The following HS1BP3 variants were observed in gnomAD, a reference collection of about 807,000 sequenced individuals.
The protein encoded by HS1BP3 is HCLS1 binding protein 3, also known as HCLS1-binding protein 3.
In HS1BP3, 32 loss-of-function variants were observed where a neutral mutation model predicts 33.5. That is an observed-to-expected ratio of 0.95 (90% CI 0.72 to 1.28). HS1BP3 has a LOEUF of 1.28. Ranked by LOEUF, HS1BP3 falls within the 50% of genes most tolerant of loss-of-function variation. The probability of loss-of-function intolerance (pLI) is 0.00; values close to 1 mark genes in which losing one functional copy is unlikely to be tolerated. For synonymous variants in HS1BP3, 187 were observed against 209.2 expected (o/e 0.89, Z 0.92); for missense variants, 486 against 502.3 (o/e 0.97, Z 0.31).
chr2:20,640,673 G>C (rs1695311306), intron 3 of HS1BP3: 1 of 577,862 alleles, frequency 1.7e-6, no homozygotes, highest in Non-Finnish European at 3.2e-6. Flanking sequence ...GGTCAGTCGG[G>C]GGGTGTCGGG....
At chr2:20,626,611 G>A (rs539399359) in intron 4 of HS1BP3, among the ~76,000 whole-genome samples, 5 of 152,224 alleles carry the variant, frequency 3.3e-5, no homozygotes, top group Non-Finnish European at 7.3e-5. Context: ...CATGTTTCAA[G>A]GGTAGTGATG....
intron 3 of HS1BP3, among the ~76,000 whole-genome samples, chr2:20,596,096 G>C (rs1342445998): frequency 6.6e-6 from 1 of 152,074 alleles, no homozygotes; most frequent in Non-Finnish European, 1.5e-5. Context: ...GAAAACCGCT[G>C]ACCCACAGGA....
chr2:20,609,962 G>C (rs1336787739), intron 2 of HS1BP3, among the ~76,000 whole-genome samples: 3 of 152,192 alleles, frequency 2.0e-5, no homozygotes, highest in African/African-American at 7.2e-5. Context: ...CCAAAGGTGG[G>C]GCATGGTCTG....
chr2:20,613,905 A>C (rs555078397), downstream of HS1BP3, among the ~76,000 whole-genome samples: 2 of 152,352 alleles, frequency 1.3e-5, no homozygotes, highest in East Asian at 3.9e-4. Context: ...GCGTCCCTTC[A>C]AATTCATGTC....
chr2:20,558,202 A>G (rs1297865929), downstream of HS1BP3, among the ~76,000 whole-genome samples: 6 of 152,132 alleles, frequency 3.9e-5, no homozygotes, highest in African/African-American at 7.2e-5. Flanking sequence ...GTTCTGAAGG[A>G]GAAGAGGTGG....
downstream of HS1BP3, among the ~76,000 whole-genome samples, chr2:20,557,918 A>G (rs1194650647): frequency 6.6e-6 from 1 of 152,200 alleles, no homozygotes; most frequent in Non-Finnish European, 1.5e-5. Flanking sequence ...AGGCCTCTTG[A>G]GGAGCCCTGG....
At chr2:20,594,598 A>C (rs1339825613) in intron 3 of HS1BP3, among the ~76,000 whole-genome samples, 1 of 152,230 alleles carries the variant, frequency 6.6e-6, no homozygotes, top group Non-Finnish European at 1.5e-5. Flanking sequence ...GATTTGCAGC[A>C]ACAAGGCCAG....
rs773178934 is a variant in HS1BP3, at chr2:20,624,716, A to G, written c.784+16T>C. 1.6e-5 allele frequency: 25 copies of G among 1,576,214 alleles called. No individual in the cohort carries two copies. The South Asian group carries it at 2.4e-4, about 15-fold the overall frequency. On this transcript the variant is annotated intron_variant, in intron 5 of 6. Transcript: ENST00000304031. ...ACCGAGAGGACACCAGGAGCAGACC[A>G]TGGGGCTCTACTTACGGTCCACGGA...
chr2:20,564,855 G>A (rs539477142), intron 5 of HS1BP3, among the ~76,000 whole-genome samples: 1 of 152,182 alleles, frequency 6.6e-6, no homozygotes, highest in South Asian at 2.1e-4. Flanking sequence ...TGGAGGTACT[G>A]CCACACTGTA....
downstream of HS1BP3, chr2:20,591,093 C>T (rs149151020): frequency 0.043 from 7,194 of 167,222 alleles, 224 homozygotes; most frequent in Non-Finnish European, 0.059. Flanking sequence ...AGGCTGGTTA[C>T]GTTGGGAGGC....
downstream of HS1BP3, among the ~76,000 whole-genome samples, chr2:20,616,167 G>A (rs1037545794): frequency 6.6e-6 from 1 of 152,192 alleles, no homozygotes; most frequent in Non-Finnish European, 1.5e-5. Context: ...TCAGCTGCAG[G>A]CTCCTGGCCT....
At chr2:20,554,489 G>T in the HS1BP3 span, among the ~76,000 whole-genome samples, 858 of 152,284 alleles carry the variant, frequency 5.6e-3, 3 homozygotes, top group Non-Finnish European at 9.2e-3. Context: ...TTGGGAGGCC[G>T]AGGCCGGCGG....
chr2:20,644,831 G>C (rs921441596), intron 2 of HS1BP3, among the ~76,000 whole-genome samples: 3 of 152,170 alleles, frequency 2.0e-5, no homozygotes, highest in African/African-American at 7.2e-5. Context: ...GGCTCCCGCA[G>C]ACTCTCCACA....
intron 1 of HS1BP3, among the ~76,000 whole-genome samples, chr2:20,649,690 C>T (rs931027103): frequency 2.6e-5 from 4 of 152,130 alleles, no homozygotes; most frequent in African/African-American, 7.2e-5. Flanking sequence ...AGCTGGGGTG[C>T]GACTGGGAAG....
intron 2 of HS1BP3, among the ~76,000 whole-genome samples, chr2:20,644,466 G>A (rs1033984994): frequency 7.9e-5 from 12 of 152,108 alleles, no homozygotes; most frequent in Admixed American, 5.9e-4. Flanking sequence ...AGCTCGTCCC[G>A]AGCTCCAGCC....
intron 2 of HS1BP3, among the ~76,000 whole-genome samples, chr2:20,643,553 G>A (rs531219457): frequency 2.0e-5 from 3 of 152,188 alleles, no homozygotes; most frequent in Non-Finnish European, 4.4e-5. Flanking sequence ...CTCACCAAGA[G>A]TCGGCCACAG....
rs1236042709 is a variant in HS1BP3 at position 20,641,094 on chromosome 2, CCTGGGTAGTGGGGGGAGG to C, written c.267_284del (p.Ser89_Pro94del). 6.2e-7 allele frequency: 1 copy of C among 1,613,810 alleles called. No homozygotes were observed. Among genetic ancestry groups the C allele is most frequent in the Non-Finnish European group, 8.5e-7 (1 of 1,180,026 alleles). ...CAGACTCCCCAACAAACAGGACCTTCCTGGGTAGTGGGGGGAGGCTGGCTGCTGCATAACGACTGCTCA... is the reference window on the plus strand; with the variant it reads ...CAGACTCCCCAACAAACAGGACCTTCCTGGCTGCTGCATAACGACTGCTCA... On this transcript the variant is annotated inframe_deletion, in exon 3 of 7. Coordinates refer to ENST00000304031, the MANE Select transcript of HS1BP3 (RefSeq NM_022460.4).
rs569387381 is a variant in HS1BP3 at position 20,644,673 on chromosome 2, A to C, written c.198+667T>G. On this transcript the variant is annotated intron_variant, in intron 2 of 6. Coordinates refer to ENST00000304031, the MANE Select transcript of HS1BP3 (RefSeq NM_022460.4). ...GCTCCAAGCCCTTGATTTGGGAATGACCATATTGGCCATGTATCTGGGCTC... is the reference window on the plus strand; with the variant it reads ...GCTCCAAGCCCTTGATTTGGGAATGCCCATATTGGCCATGTATCTGGGCTC... 1.1e-4 allele frequency among the ~76,000 whole-genome samples: 16 copies of C among 152,272 alleles called. No homozygotes were observed. The South Asian group carries it at 3.3e-3, about 32-fold the overall frequency.
chr2:20,609,004 C>T (rs923147403), intron 2 of HS1BP3, among the ~76,000 whole-genome samples: 3 of 152,230 alleles, frequency 2.0e-5, no homozygotes, highest in African/African-American at 7.2e-5. Context: ...CTGAGAAGAG[C>T]TATGTCTGAG....
Sources: allele counts gnomAD v4.1 joint callset (sites outside exome capture counted in the v4.1 genomes callset), GRCh38; gene constraint gnomAD v4.1.1; transcripts MANE v1.5; gene names NCBI Gene and HGNC (gene_info 2026-07-23, HGNC 2026-07-21).